FAM184A: variants seen among roughly 807,000 people sequenced by gnomAD.
FAM184A encodes the protein family with sequence similarity 184 member A.
In FAM184A, 99 loss-of-function variants were observed where a neutral mutation model predicts 143.8. That is an observed-to-expected ratio of 0.69 (90% CI 0.58 to 0.81). The LOEUF is 0.81. FAM184A is among the 40% of genes least tolerant of loss of function. FAM184A has a pLI of 0.00. For synonymous variants in FAM184A, 427 were observed against 446.4 expected, an observed-to-expected ratio of 0.96 and a Z score of 0.55; for missense variants, 1,217 against 1,310.5, an observed-to-expected ratio of 0.93 and a Z score of 1.10.
At chr6:118,981,591 A>G (rs980372876) in intron 9 of FAM184A, among the ~76,000 whole-genome samples, 1 of 152,208 alleles carries the variant, frequency 6.6e-6, no homozygotes, top group Non-Finnish European at 1.5e-5. Context: ...ATCACTAGAC[A>G]TGCAAGAGAA....
At chr6:119,130,610 A>G (rs1789510229) in intron 1 of FAM184A, among the ~76,000 whole-genome samples, 2 of 152,238 alleles carry the variant, frequency 1.3e-5, no homozygotes, top group African/African-American at 4.8e-5. Flanking sequence ...TTAGCAATCT[A>G]GTTTAAGAAA....
rs558396029 is a variant in FAM184A at position 118,983,179 on chromosome 6, A to T, written c.2089-2829T>A. On this transcript the variant is annotated intron_variant, in intron 9 of 17. Coordinates refer to ENST00000338891, the MANE Select transcript of FAM184A (RefSeq NM_024581.6). ...AGCCTTAATCATGCAATGCAATATC[A>T]AAATTTATTTTGTTCTTTTTAAAAA... 1.0e-3 allele frequency among the ~76,000 whole-genome samples: 158 copies of T among 152,350 alleles called. 1 individual carries two copies. The highest frequency in any genetic ancestry group is 1.9e-3 in the Admixed American group (29 of 15,302).
intron 1 of FAM184A, among the ~76,000 whole-genome samples, chr6:119,120,309 G>A (rs1376242214): frequency 6.6e-6 from 1 of 152,132 alleles, no homozygotes; most frequent in Non-Finnish European, 1.5e-5. Flanking sequence ...ATGTTTTCAA[G>A]GTTTATCCAT....
chr6:118,974,925 A>G, intron 13 of FAM184A, 99 bp downstream of exon 13: 2 of 887,598 alleles, frequency 2.3e-6, no homozygotes, highest in Non-Finnish European at 3.5e-6. Flanking sequence ...TTTACTAGAG[A>G]GCCAGTCTAG....
At chr6:119,018,016 T>A (rs1785321526) in intron 4 of FAM184A, among the ~76,000 whole-genome samples, 1 of 152,190 alleles carries the variant, frequency 6.6e-6, no homozygotes. Flanking sequence ...CAGTACTACA[T>A]TTCATGCACG....
At chr6:119,129,338 G>A (rs1010012947) in intron 1 of FAM184A, among the ~76,000 whole-genome samples, 8 of 152,186 alleles carry the variant, frequency 5.3e-5, no homozygotes, top group African/African-American at 1.9e-4. Flanking sequence ...AGCTCTGCCT[G>A]TGGCTGACAT....
chr6:119,062,821 T>C (rs996121574), intron 1 of FAM184A, among the ~76,000 whole-genome samples: 1 of 152,204 alleles, frequency 6.6e-6, no homozygotes, highest in African/African-American at 2.4e-5. Context: ...AAGACTGCTT[T>C]GTCTCAGGTA....
intron 1 of FAM184A, among the ~76,000 whole-genome samples, chr6:119,074,591 A>C (rs1263151451): frequency 6.6e-6 from 1 of 151,854 alleles, no homozygotes; most frequent in East Asian, 2.0e-4. Flanking sequence ...AAAAAAAGTA[A>C]TTTGAAAGTG....
intron 1 of FAM184A, among the ~76,000 whole-genome samples, chr6:119,085,271 A>G (rs1354607119): frequency 7.2e-5 from 11 of 152,212 alleles, no homozygotes; most frequent in Non-Finnish European, 1.5e-5. Flanking sequence ...AGAAGCAGCC[A>G]GGGCACATCT....
At chr6:119,102,673 C>G (rs1187411933) in intron 1 of FAM184A, among the ~76,000 whole-genome samples, 1 of 150,044 alleles carries the variant, frequency 6.7e-6, no homozygotes, top group East Asian at 2.0e-4. Flanking sequence ...ACCTGTAGCC[C>G]CAGCTACTCA....
chr6:119,096,743 T>A (rs1169765180), intron 1 of FAM184A, among the ~76,000 whole-genome samples: 1 of 151,062 alleles, frequency 6.6e-6, no homozygotes, highest in Non-Finnish European at 1.5e-5. Flanking sequence ...AGTATGGGAG[T>A]GATAGCACTC....
chr6:118,988,695 A>G (rs927147311), intron 9 of FAM184A, among the ~76,000 whole-genome samples: 1 of 152,170 alleles, frequency 6.6e-6, no homozygotes, highest in Non-Finnish European at 1.5e-5. Flanking sequence ...TATCTTTTTA[A>G]TCCTATTTCC....
At chr6:118,989,314 C>T (rs1784291428) in intron 9 of FAM184A, among the ~76,000 whole-genome samples, 1 of 152,070 alleles carries the variant, frequency 6.6e-6, no homozygotes, top group South Asian at 2.1e-4. Context: ...ACCCCTCCCT[C>T]CCTCCTAATA....
At chr6:119,001,869 T>A (rs1784767269) in intron 9 of FAM184A, among the ~76,000 whole-genome samples, 1 of 152,188 alleles carries the variant, frequency 6.6e-6, no homozygotes, top group Non-Finnish European at 1.5e-5. Context: ...CTAAAAGGAA[T>A]GTAAAATAAG....
Position 119,003,051 on chromosome 6 carries a change from T to C in FAM184A, c.1938-2A>G. The C allele has an allele frequency of 6.3e-7, 1 of 1,593,882 alleles. No homozygotes were observed. On this transcript the variant is annotated splice_acceptor_variant, in intron 8 of 17. Coordinates refer to ENST00000338891, the MANE Select transcript of FAM184A (RefSeq NM_024581.6). LOFTEE classifies it high-confidence loss of function. The stretch of plus-strand genomic sequence containing the variant: ...TCACGAAGTTTAGAACACTCTTGTC[T>C]AAAATAAAACAACTGCATTTACTTT...
chr6:118,970,008 A>ATATATATATATATATATATATATATTTTT, intron 14 of FAM184A, among the ~76,000 whole-genome samples: 2 of 19,048 alleles, frequency 1.0e-4, no homozygotes, highest in Non-Finnish European at 2.3e-4. Context: ...ATATATATAT[A>ATATATATATATATATATATATATATTTTT]TTTTTTTTTT....
chr6:119,103,797 C>T (rs988619429), intron 1 of FAM184A, among the ~76,000 whole-genome samples: 18 of 151,596 alleles, frequency 1.2e-4, no homozygotes, highest in Middle Eastern at 3.4e-3. Context: ...CATGGTGGCA[C>T]GCACCTGTAG....
rs143322319 is a variant in FAM184A, at chr6:119,028,649, A to G, written c.160-3836T>C. Among the ~76,000 whole-genome samples, 13 of 152,306 alleles carry G rather than the reference A, an allele frequency of 8.5e-5. No homozygotes were observed. The East Asian group carries it at 2.5e-3, about 29-fold the overall frequency. On this transcript the variant is annotated intron_variant, in intron 1 of 17. Coordinates refer to ENST00000338891, the MANE Select transcript of FAM184A (RefSeq NM_024581.6). ...CATTCCTTCCCACAGACCCTGCCCT[A>G]TGCATCTCTTCCCTCTAACTAACTT... is the stretch of plus-strand genomic sequence containing the variant.
At chr6:118,984,185 A>T (rs1199726893) in intron 9 of FAM184A, among the ~76,000 whole-genome samples, 2 of 142,734 alleles carry the variant, frequency 1.4e-5, no homozygotes, top group African/African-American at 5.2e-5. Flanking sequence ...ATATTTATAT[A>T]TATATTTATA....
Sources: allele counts gnomAD v4.1 joint callset (sites outside exome capture counted in the v4.1 genomes callset), GRCh38; gene constraint gnomAD v4.1.1; transcripts MANE v1.5; gene names NCBI Gene and HGNC (gene_info 2026-07-23, HGNC 2026-07-21).